The following EPB41L4B variants were observed in gnomAD, a reference collection of about 807,000 sequenced individuals.
EPB41L4B encodes band 4.1-like protein 4B.
EPB41L4B carries 30 observed loss-of-function variants against 112.5 expected under a neutral mutation model. The ratio of observed to expected loss-of-function variants is 0.27; its 90% CI spans 0.20 to 0.36. The LOEUF (loss-of-function observed/expected upper bound fraction) is 0.36, where lower values mean the gene tolerates loss of function less well. Ranked by LOEUF, EPB41L4B falls within the 10% of genes least tolerant of loss-of-function variation. The pLI, the probability that EPB41L4B is intolerant of heterozygous loss-of-function variation, is 1.00. For missense variants in EPB41L4B, 1,024 were observed against 1,133.3 expected, an observed-to-expected ratio of 0.90 and a Z score of 1.38; for synonymous variants, 408 against 439.7, an observed-to-expected ratio of 0.93 and a Z score of 0.90.
chr9:109,206,909 G>A (rs1219356351), intron 18 of EPB41L4B, among the ~76,000 whole-genome samples: 1 of 152,188 alleles, frequency 6.6e-6, no homozygotes, highest in Non-Finnish European at 1.5e-5. Flanking sequence ...TGCTTCTTGT[G>A]GGCAGCAGCA....
chr9:109,298,840 G>GCTC (rs1266609200), intron 1 of EPB41L4B, among the ~76,000 whole-genome samples: 1 of 152,158 alleles, frequency 6.6e-6, no homozygotes, highest in Admixed American at 6.5e-5. Flanking sequence ...AGCACACAGG[G>GCTC]CTCCAATGTC....
chr9:109,241,437 A>C, intron 15 of EPB41L4B: 1 of 1,299,170 alleles, frequency 7.7e-7, no homozygotes, highest in Non-Finnish European at 9.8e-7. Context: ...CATCAATATG[A>C]TTCCTGAGCC....
chr9:109,243,214 A>C (rs74497131), intron 15 of EPB41L4B, among the ~76,000 whole-genome samples: 2 of 4,962 alleles, frequency 4.0e-4, no homozygotes, highest in African/African-American at 1.1e-3. Context: ...CACCCCCGCA[A>C]AAAAAAAAAA....
chr9:109,243,971 C>G (rs370420883), intron 14 of EPB41L4B, among the ~76,000 whole-genome samples: 3 of 152,164 alleles, frequency 2.0e-5, no homozygotes, highest in African/African-American at 7.2e-5. Context: ...TGAAGGGGGT[C>G]GTCCGGAGTA....
chr9:109,204,877 C>T (rs1832943941), intron 18 of EPB41L4B, among the ~76,000 whole-genome samples: 1 of 152,160 alleles, frequency 6.6e-6, no homozygotes, highest in East Asian at 1.9e-4. Context: ...TCTCACTATG[C>T]ACTGATGCCA....
chr9:109,217,994 G>A (rs1249787486), intron 15 of EPB41L4B, among the ~76,000 whole-genome samples: 1 of 151,728 alleles, frequency 6.6e-6, no homozygotes, highest in Non-Finnish European at 1.5e-5. Context: ...GATTCCTGCT[G>A]GCTCTCCCCG....
chr9:109,264,562 C>G (rs1234648504), intron 5 of EPB41L4B, among the ~76,000 whole-genome samples: 1 of 152,212 alleles, frequency 6.6e-6, no homozygotes, highest in African/African-American at 2.4e-5. Flanking sequence ...ATGTCTAAAA[C>G]TTTCTACTGG....
rs1837585888 is a variant in EPB41L4B, at chr9:109,315,165, A to ACCATTGCTACAGCAATGGTATTGCTCGCC, written c.306+4947_306+4975dup. 2.6e-5 allele frequency among the ~76,000 whole-genome samples: 4 copies of ACCATTGCTACAGCAATGGTATTGCTCGCC among 152,062 alleles called. No individual in the cohort carries two copies. The South Asian group carries it at 8.3e-4, about 32-fold the overall frequency. ...CAGCTCAAAGACTGCCAACCCCCCT[A>ACCATTGCTACAGCAATGGTATTGCTCGCC]CCATTGCTACAGCAATGGTATTGCT... On this transcript the variant is annotated intron_variant, in intron 1 of 25. Transcript: ENST00000374566.
At chr9:109,237,347 C>T (rs1016754016) in intron 15 of EPB41L4B, among the ~76,000 whole-genome samples, 5 of 152,172 alleles carry the variant, frequency 3.3e-5, no homozygotes, top group African/African-American at 1.2e-4. Flanking sequence ...TGACAACTGT[C>T]AATACACTGT....
intron 15 of EPB41L4B, among the ~76,000 whole-genome samples, chr9:109,233,477 A>C (rs1834023091): frequency 6.7e-6 from 1 of 150,334 alleles, no homozygotes; most frequent in African/African-American, 2.5e-5. Flanking sequence ...TCCCTTTTTC[A>C]GTTCTGCAGG....
At position 109,243,652 on chromosome 9, in the gene EPB41L4B, G is replaced by C; in HGVS notation, c.1375C>G (p.Gln459Glu). The change falls in exon 15 of 26, where the codon CAG (glutamine) becomes GAG (glutamate). Residue 459 changes from glutamine to glutamate, a missense_variant. Coordinates refer to ENST00000374566, the MANE Select transcript of EPB41L4B (RefSeq NM_019114.5). ...GGAGAGTGAGGATGCCACCGGGGCT[G>C]GCTGGGATGGATATTAGGATGATAT... ...PQYHPNIHPS[Q>E]PRWHPHSPNV... 6.2e-7 allele frequency: 1 copy of C among 1,614,192 alleles called. No individual in the cohort carries two copies. The highest frequency in any genetic ancestry group is 1.1e-5 in the South Asian group (1 of 91,080).
At chr9:109,282,686 A>C (rs938315186) in intron 1 of EPB41L4B, among the ~76,000 whole-genome samples, 2 of 152,122 alleles carry the variant, frequency 1.3e-5, no homozygotes, top group African/African-American at 4.8e-5. Context: ...CTCAGGACAA[A>C]TGATCTCATT....
Position 109,267,582 on chromosome 9 carries a change from G to A in EPB41L4B, c.455-31C>T, listed in dbSNP as rs570248494. ...CATTTGGAGATGGAAGGTTGAAGATGTTTTTCCCCCAGTTTTGAAGATCAC... is the reference window on the plus strand; with the variant it reads ...CATTTGGAGATGGAAGGTTGAAGATATTTTTCCCCCAGTTTTGAAGATCAC... On this transcript the variant is annotated intron_variant, in intron 3 of 25. Coordinates refer to ENST00000374566, the MANE Select transcript of EPB41L4B (RefSeq NM_019114.5). The A allele has an allele frequency of 3.9e-5, 56 of 1,440,250 alleles. 1 individual carries two copies. The South Asian group carries it at 5.8e-4, about 15-fold the overall frequency. The allele number at this position is 1,440,250 out of a possible 1,614,324, so 89.2% of individuals were successfully genotyped here.
intron 2 of EPB41L4B, among the ~76,000 whole-genome samples, chr9:109,278,792 C>A (rs1011885212): frequency 6.6e-6 from 1 of 152,244 alleles, no homozygotes. Flanking sequence ...GCATAATGGG[C>A]ACTCCATAAA....
intron 15 of EPB41L4B, among the ~76,000 whole-genome samples, chr9:109,237,383 C>A (rs1834184256): frequency 6.6e-6 from 1 of 152,174 alleles, no homozygotes; most frequent in Non-Finnish European, 1.5e-5. Flanking sequence ...ACCACAGAAA[C>A]ATGAATAGAT....
At chr9:109,269,178 A>C (rs1835519840) in intron 2 of EPB41L4B, among the ~76,000 whole-genome samples, 1 of 152,202 alleles carries the variant, frequency 6.6e-6, no homozygotes, top group African/African-American at 2.4e-5. Context: ...TGTCGTCCTA[A>C]ACTCTTTAAA....
rs1395828990 is a variant in EPB41L4B at position 109,258,264 on chromosome 9, G to A, written c.665C>T (p.Thr222Ile). The change falls in exon 7 of 26, where the codon ACA (threonine) becomes ATA (isoleucine). Residue 222 changes from threonine to isoleucine, a missense_variant. Physicochemically the swap from Thr to Ile is moderately conservative, Grantham distance 89. Transcript: ENST00000374566. The part of the protein sequence containing the change: ...ELGECELPEH[T>I]PELVSEFRFI... ...CCGAAACTCAGACACAAGCTCTGGT[G>A]TGTGTTCTGGAAGCTCGCACTCCCC... The A allele has an allele frequency of 2.5e-6, 4 of 1,613,968 alleles. No homozygotes were observed. Among genetic ancestry groups the A allele is most frequent in the East Asian group, 2.2e-5 (1 of 44,882 alleles).
At chr9:109,244,660 C>A (rs1834483070) in intron 14 of EPB41L4B, among the ~76,000 whole-genome samples, 1 of 151,988 alleles carries the variant, frequency 6.6e-6, no homozygotes, top group Non-Finnish European at 1.5e-5. Flanking sequence ...TACTCACAAA[C>A]GGACTGAGGT....
At chr9:109,221,725 T>C (rs1020446196) in intron 15 of EPB41L4B, among the ~76,000 whole-genome samples, 10 of 152,160 alleles carry the variant, frequency 6.6e-5, no homozygotes, top group Admixed American at 5.2e-4. Flanking sequence ...CAGAGAAAAT[T>C]ATGATCGACC....
Sources: gnomAD v4.1 joint callset for allele counts (sites outside exome capture counted in the v4.1 genomes callset) on GRCh38, gnomAD v4.1.1 for gene constraint, MANE v1.5 for transcripts, NCBI Gene and HGNC (gene_info 2026-07-23, HGNC 2026-07-21) for gene names.